PREX2: variants seen among roughly 807,000 people sequenced by gnomAD.
PREX2 encodes phosphatidylinositol-3,4,5-trisphosphate dependent Rac exchange factor 2, also known as phosphatidylinositol 3,4,5-trisphosphate-dependent Rac exchanger 2 protein.
A neutral mutation model predicts 203.2 loss-of-function variants in PREX2; 107 were observed. The observed-to-expected ratio is 0.53, with a 90% CI of 0.45 to 0.62. The LOEUF (loss-of-function observed/expected upper bound fraction) is 0.62, where lower values mean the gene tolerates loss of function less well. Ranked by LOEUF, PREX2 falls within the 20% of genes least tolerant of loss-of-function variation. The pLI is 0.00. For missense variants in PREX2, 1,777 were observed against 1,955.9 expected, an observed-to-expected ratio of 0.91 and a Z score of 1.72; for synonymous variants, 672 against 663.6, an observed-to-expected ratio of 1.01 and a Z score of -0.19.
chr8:67,982,329 G>A (rs1161015289), intron 1 of PREX2, among the ~76,000 whole-genome samples: 1 of 152,104 alleles, frequency 6.6e-6, no homozygotes, highest in African/African-American at 2.4e-5. Context: ...TGCTGAAGTG[G>A]GAGGATAGCT....
At chr8:68,004,804 C>T (rs1207528010) in intron 1 of PREX2, among the ~76,000 whole-genome samples, 1 of 152,096 alleles carries the variant, frequency 6.6e-6, no homozygotes, top group Non-Finnish European at 1.5e-5. Context: ...CAAGCATGGC[C>T]ACATCTCATT....
intron 25 of PREX2, among the ~76,000 whole-genome samples, chr8:68,111,772 C>T (rs1247154660): frequency 6.6e-6 from 1 of 152,078 alleles, no homozygotes; most frequent in African/African-American, 2.4e-5. Flanking sequence ...GCCTGGATTC[C>T]CCCTTGCCTT....
chr8:68,222,741 C>T (rs1285654557), intron 38 of PREX2, among the ~76,000 whole-genome samples: 1 of 149,446 alleles, frequency 6.7e-6, no homozygotes, highest in Non-Finnish European at 1.5e-5. Flanking sequence ...AGTAACTTTA[C>T]AGTTCCAAAA....
In PREX2 at chr8:68,115,806, G is replaced by T. The variant is rs779840868; in HGVS notation, c.3200G>T (p.Gly1067Val). ...AAATTAGAACGTAAGACATCAGAGG[G>T]CATAATACCAACAGACAGTGACAAT... ...SPKLERKTSEGIIPTDSDNEK... is the reference protein window; with the variant it reads ...SPKLERKTSEVIIPTDSDNEK... Residue 1067 changes from glycine (G) to valine (V), a missense_variant, in exon 26 of 40, where the codon GGC (glycine) becomes GTC (valine). Transcript: ENST00000288368. The T allele has an allele frequency of 9.9e-6, 16 of 1,613,544 alleles. No homozygotes were observed. Among genetic ancestry groups the T allele is most frequent in the South Asian group, 4.4e-5 (4 of 91,052 alleles).
At chr8:68,174,117 T>C (rs1444275717) in intron 35 of PREX2, among the ~76,000 whole-genome samples, 1 of 152,190 alleles carries the variant, frequency 6.6e-6, no homozygotes, top group Admixed American at 6.5e-5. Flanking sequence ...GCTCAGCTCC[T>C]TTTTGCTGAC....
At position 68,235,989 on chromosome 8, in the gene PREX2, G is replaced by C. The variant is rs1314285839; in HGVS notation, c.*4611G>C. 6.6e-6 allele frequency: 1 copy of C among 152,144 alleles called. No individual in the cohort carries two copies. Among genetic ancestry groups the C allele is most frequent in the African/African-American group, 2.4e-5 (1 of 41,438 alleles). 9.4% of individuals were successfully genotyped at this position (152,144 alleles called of 1,614,324 possible). On this transcript the variant is annotated 3_prime_UTR_variant, in exon 40 of 40. Transcript: ENST00000288368. The stretch of plus-strand genomic sequence containing the variant: ...TACTAAATGAGATATATATGTGTAT[G>C]TATATGCCTATATATATTATTATAT...
Position 68,038,726 on chromosome 8 carries a change from A to G in PREX2, c.839+434A>G, listed in dbSNP as rs561624267. 5.2e-4 allele frequency among the ~76,000 whole-genome samples: 79 copies of G among 152,110 alleles called. 1 individual carries two copies. Among genetic ancestry groups the G allele is most frequent in the African/African-American group, 1.8e-3 (76 of 41,506 alleles). ...ACTACCTTTCCCTCATCTCCCCTTT[A>G]TAGAACACGTAATATCTCACTGTCA... is the stretch of plus-strand genomic sequence containing the variant. On this transcript the variant is annotated intron_variant, in intron 7 of 39. Transcript: ENST00000288368.
chr8:68,037,435 A>G (rs7817030), intron 6 of PREX2, among the ~76,000 whole-genome samples: 80,510 of 151,898 alleles, frequency 0.53, 22,138 homozygotes, highest in African/African-American at 0.66. Context: ...ACAGTCCGAT[A>G]CTCGTGTCCA....
intron 31 of PREX2, among the ~76,000 whole-genome samples, chr8:68,129,998 C>A (rs1279426143): frequency 6.7e-6 from 1 of 149,890 alleles, no homozygotes; most frequent in African/African-American, 2.5e-5. Context: ...GAAATGAAGG[C>A]AGTGTGCCCT....
intron 10 of PREX2, among the ~76,000 whole-genome samples, chr8:68,057,978 G>A (rs572561989): frequency 1.3e-5 from 2 of 152,308 alleles, no homozygotes; most frequent in South Asian, 2.1e-4. Context: ...GCTATATGAA[G>A]CTTCTCCCAG....
At chr8:68,047,586 T>A (rs1190069434) in intron 8 of PREX2, among the ~76,000 whole-genome samples, 1 of 149,650 alleles carries the variant, frequency 6.7e-6, no homozygotes, top group Non-Finnish European at 1.5e-5. Context: ...GGGGTGGTGG[T>A]GAGGAGTCTC....
In PREX2 at chr8:68,105,666, C is replaced by T. The variant is rs1188259439; in HGVS notation, c.2716-2443C>T. 1.4e-5 allele frequency: 7 copies of T among 483,322 alleles called. No individual in the cohort carries two copies. In the African/African-American group the frequency reaches 7.4e-4, roughly 51 times the overall value. 29.9% of individuals were successfully genotyped at this position (483,322 alleles called of 1,614,324 possible). On this transcript the variant is annotated intron_variant, in intron 23 of 39. Transcript: ENST00000288368. The stretch of plus-strand genomic sequence containing the variant: ...GCATAACATTTCAGTAAATGACAGA[C>T]CATATATATATGGATTATATATATA...
intron 11 of PREX2, among the ~76,000 whole-genome samples, chr8:68,063,449 C>T (rs931237784): frequency 1.3e-5 from 2 of 152,100 alleles, no homozygotes; most frequent in African/African-American, 4.8e-5. Flanking sequence ...GGGAGCCATG[C>T]ATTAAGGATG....
At chr8:67,961,775 G>A (rs752213625) in intron 1 of PREX2, among the ~76,000 whole-genome samples, 3 of 152,144 alleles carry the variant, frequency 2.0e-5, no homozygotes, top group Non-Finnish European at 4.4e-5. Flanking sequence ...TTCAGACTTT[G>A]ATTTATTGAA....
intron 1 of PREX2, among the ~76,000 whole-genome samples, chr8:67,985,799 T>G (rs1585678797): frequency 2.6e-5 from 4 of 152,176 alleles, no homozygotes; most frequent in African/African-American, 9.7e-5. Context: ...GCTTGGCTGG[T>G]CCTAGGGGCA....
chr8:68,133,027 T>A (rs1271224686), intron 31 of PREX2, among the ~76,000 whole-genome samples: 1 of 152,142 alleles, frequency 6.6e-6, no homozygotes, highest in Non-Finnish European at 1.5e-5. Context: ...GGGTACTTTA[T>A]AAAGGAAAGA....
In PREX2 at chr8:68,235,303, A is replaced by C. The variant is rs1166773494; in HGVS notation, c.*3925A>C. 1 of 152,100 alleles carries C rather than the reference A, an allele frequency of 6.6e-6. No homozygotes were observed. Among genetic ancestry groups the C allele is most frequent in the Non-Finnish European group, 1.5e-5 (1 of 68,008 alleles). The allele number at this position is 152,100 out of a possible 1,614,324, so 9.4% of individuals were successfully genotyped here. On this transcript the variant is annotated 3_prime_UTR_variant, in exon 40 of 40. Coordinates refer to ENST00000288368, the MANE Select transcript of PREX2 (RefSeq NM_024870.4). The stretch of plus-strand genomic sequence containing the variant: ...AGGTCGTTTTTAGACTTTATGCACT[A>C]GTGGTATTGAAACTAACCTTTAATA...
At chr8:68,172,934 T>G (rs983726722) in intron 35 of PREX2, among the ~76,000 whole-genome samples, 4 of 152,236 alleles carry the variant, frequency 2.6e-5, no homozygotes, top group African/African-American at 7.2e-5. Context: ...TATTTACGAC[T>G]GATTTCAAAT....
chr8:68,200,608 CT>C (rs66865090), intron 37 of PREX2, among the ~76,000 whole-genome samples: 14,669 of 147,450 alleles, frequency 0.099, 1,881 homozygotes, highest in African/African-American at 0.29. Context: ...ATCATTGTCT[CT>C]TTTTTTTTTG....
Sources: gnomAD v4.1 joint callset for allele counts (sites outside exome capture counted in the v4.1 genomes callset) on GRCh38, gnomAD v4.1.1 for gene constraint, MANE v1.5 for transcripts, NCBI Gene and HGNC (gene_info 2026-07-23, HGNC 2026-07-21) for gene names.